Variants in GALNT10 observed in about 807,000 individuals in gnomAD.
The protein encoded by GALNT10 is polypeptide N-acetylgalactosaminyltransferase 10.
Under a neutral mutation model 75.0 loss-of-function variants are expected in GALNT10, and 41 were observed. That is an observed-to-expected ratio of 0.55 (90% CI 0.43 to 0.71). GALNT10 has a LOEUF of 0.71. Ranked by LOEUF, GALNT10 falls within the 30% of genes least tolerant of loss-of-function variation. The pLI is 0.00. For synonymous variants in GALNT10, 302 were observed against 313.0 expected, an observed-to-expected ratio of 0.96 and a Z score of 0.37; for missense variants, 727 against 818.5, an observed-to-expected ratio of 0.89 and a Z score of 1.36.
chr5:154,375,537 G>A (rs116910229), intron 4 of GALNT10, among the ~76,000 whole-genome samples: 1 of 152,278 alleles, frequency 6.6e-6, no homozygotes, highest in East Asian at 1.9e-4. Flanking sequence ...AGAGCATCTA[G>A]GAGTCTGTCT....
intron 1 of GALNT10, among the ~76,000 whole-genome samples, chr5:154,212,728 GGAGGCC>G (rs1447853318): frequency 1.3e-5 from 2 of 152,122 alleles, no homozygotes; most frequent in Non-Finnish European, 2.9e-5. Flanking sequence ...CAGCACTTTG[GGAGGCC>G]GAGGCGGGCA....
chr5:154,228,460 C>T (rs892549390), intron 1 of GALNT10, among the ~76,000 whole-genome samples: 1 of 152,178 alleles, frequency 6.6e-6, no homozygotes, highest in African/African-American at 2.4e-5. Context: ...AGGCGGGCTC[C>T]TCCAGTAAAG....
intron 1 of GALNT10, among the ~76,000 whole-genome samples, chr5:154,278,431 A>T (rs547969152): frequency 6.6e-5 from 10 of 152,244 alleles, no homozygotes; most frequent in Non-Finnish European, 1.2e-4. Flanking sequence ...GTGTGACTTC[A>T]AAGAGCCTTT....
intron 3 of GALNT10, among the ~76,000 whole-genome samples, chr5:154,309,571 G>A (rs1321328076): frequency 6.6e-6 from 1 of 152,146 alleles, no homozygotes; most frequent in African/African-American, 2.4e-5. Context: ...AGTAGCCATG[G>A]CTGAATTCTG....
chr5:154,248,253 G>T (rs1162938121), intron 1 of GALNT10, among the ~76,000 whole-genome samples: 6 of 152,258 alleles, frequency 3.9e-5, no homozygotes, highest in Non-Finnish European at 8.8e-5. Flanking sequence ...GTTCATCAGG[G>T]ATATTGGTCT....
At chr5:154,291,209 A>C (rs1754190150) in intron 1 of GALNT10, among the ~76,000 whole-genome samples, 2 of 152,312 alleles carry the variant, frequency 1.3e-5, no homozygotes, top group South Asian at 4.1e-4. Context: ...AGGTCAAAAC[A>C]GTGAGATTTA....
At position 154,417,245 on chromosome 5, in the gene GALNT10, C is replaced by A; in HGVS notation, c.*273C>A. Reference sequence around the variant, plus strand: ...TGACATCACGGAAAAGCAACAGAGCCTTTTCAACTTTGTCACTATGTCCCC... The same window carrying A: ...TGACATCACGGAAAAGCAACAGAGCATTTTCAACTTTGTCACTATGTCCCC... On this transcript the variant is annotated 3_prime_UTR_variant, in exon 12 of 12. Coordinates refer to ENST00000297107, the MANE Select transcript of GALNT10 (RefSeq NM_198321.4). 1 of 399,490 alleles carries A rather than the reference C, an allele frequency of 2.5e-6. No individual in the cohort carries two copies. Among genetic ancestry groups the A allele is most frequent in the South Asian group, 4.0e-5 (1 of 24,858 alleles). 24.7% of individuals were successfully genotyped at this position (399,490 alleles called of 1,614,324 possible).
At chr5:154,232,400 C>G (rs1193833665) in intron 1 of GALNT10, among the ~76,000 whole-genome samples, 1 of 152,142 alleles carries the variant, frequency 6.6e-6, no homozygotes, top group Non-Finnish European at 1.5e-5. Context: ...GTGGCTAATG[C>G]CTGCTATGTG....
chr5:154,253,160 T>C (rs980590990), intron 1 of GALNT10, among the ~76,000 whole-genome samples: 2 of 152,020 alleles, frequency 1.3e-5, no homozygotes, highest in African/African-American at 4.8e-5. Flanking sequence ...TAACTAATTT[T>C]GAAAACATAG....
intron 1 of GALNT10, among the ~76,000 whole-genome samples, chr5:154,264,473 A>T (rs1163523952): frequency 2.0e-5 from 3 of 152,218 alleles, no homozygotes; most frequent in Non-Finnish European, 2.9e-5. Context: ...GTGACCAAGC[A>T]TTATGATATC....
chr5:154,239,420 T>G (rs1012169087), intron 1 of GALNT10, among the ~76,000 whole-genome samples: 11 of 152,200 alleles, frequency 7.2e-5, no homozygotes, highest in African/African-American at 2.7e-4. Context: ...CAAGTGAAGC[T>G]GAGCTCCGCC....
At chr5:154,261,914 A>T (rs1753703766) in intron 1 of GALNT10, among the ~76,000 whole-genome samples, 1 of 152,122 alleles carries the variant, frequency 6.6e-6, no homozygotes, top group South Asian at 2.1e-4. Context: ...CAGATCTGTG[A>T]GCCTTCCTCT....
chr5:154,243,982 A>C (rs959067566), intron 1 of GALNT10, among the ~76,000 whole-genome samples: 5 of 152,226 alleles, frequency 3.3e-5, no homozygotes, highest in Non-Finnish European at 5.9e-5. Context: ...TGAGGATAAG[A>C]GGCCCAGACA....
rs1419863498 is a variant in GALNT10, at chr5:154,376,353, A to G, written c.645A>G (p.Glu215=). 2.5e-6 allele frequency: 4 copies of G among 1,611,578 alleles called. No homozygotes were observed. In the African/African-American group the frequency reaches 4.0e-5, roughly 16 times the overall value. The change falls in exon 5 of 12, where the codon GAA becomes GAG. Residue 215 remains glutamate, a synonymous_variant. Transcript: ENST00000297107. The surrounding 1 kb of genome is among the most constrained non-coding windows in gnomAD (Gnocchi z 4.1). The part of the protein sequence containing the change: ...SVRILRTKKR[E]GLIRTRMLGA... Reference sequence around the variant, plus strand: ...GGATTCTTCGAACCAAGAAACGGGAAGGGCTGATAAGGACCCGAATGCTGG... The same window carrying G: ...GGATTCTTCGAACCAAGAAACGGGAGGGGCTGATAAGGACCCGAATGCTGG...
rs983844666 is a variant in GALNT10, at chr5:154,265,382, G to C, written c.160-29434G>C. ...CTGATGCTGACAAGGCCTTTCACAA[G>C]AGAAGCCCACTGATTTCACACCTCA... On this transcript the variant is annotated intron_variant, in intron 1 of 11. Transcript: ENST00000297107. 4.6e-5 allele frequency among the ~76,000 whole-genome samples: 7 copies of C among 152,162 alleles called. No individual in the cohort carries two copies. The South Asian group carries it at 8.3e-4, about 18-fold the overall frequency.
In GALNT10 at chr5:154,190,778, T is replaced by A. The variant is rs1561623507; in HGVS notation, c.-89T>A. 1 of 419,082 alleles carries A rather than the reference T, an allele frequency of 2.4e-6. No homozygotes were observed. The highest frequency in any genetic ancestry group is 3.1e-6 in the Non-Finnish European group (1 of 321,514). The allele number at this position is 419,082 out of a possible 1,614,324, so 26.0% of individuals were successfully genotyped here. A position where few individuals can be genotyped will look rare whatever the true frequency, so the allele number is the denominator to read the frequency against. Reference sequence around the variant, plus strand: ...CCGCAGCCGCTTCTGCTGGCTGAGCTGCTGCCGCCGCCGGGCGGACGGGCG... The same window carrying A: ...CCGCAGCCGCTTCTGCTGGCTGAGCAGCTGCCGCCGCCGGGCGGACGGGCG... On this transcript the variant is annotated 5_prime_UTR_variant, in exon 1 of 12. Coordinates refer to ENST00000297107, the MANE Select transcript of GALNT10 (RefSeq NM_198321.4).
intron 1 of GALNT10, among the ~76,000 whole-genome samples, chr5:154,256,142 A>G (rs1432280391): frequency 6.6e-6 from 1 of 152,110 alleles, no homozygotes; most frequent in African/African-American, 2.4e-5. Context: ...TGAATGAGTG[A>G]CACTGCCTAT....
At chr5:154,243,073 T>C (rs1753363889) in intron 1 of GALNT10, among the ~76,000 whole-genome samples, 3 of 152,196 alleles carry the variant, frequency 2.0e-5, no homozygotes, top group Admixed American at 6.5e-5. Flanking sequence ...CTTGAGCTGG[T>C]TACTTCATGT....
rs1756535831 is a variant in GALNT10 at position 154,417,335 on chromosome 5, G to T, written c.*363G>T. On this transcript the variant is annotated 3_prime_UTR_variant, in exon 12 of 12. Coordinates refer to ENST00000297107, the MANE Select transcript of GALNT10 (RefSeq NM_198321.4). Reference sequence around the variant, plus strand: ...ACCCAAAAGTGAGTCCTGCGAGGTTGCCCAGCCCTCAGATGGCTCTCCTAC... The same window carrying T: ...ACCCAAAAGTGAGTCCTGCGAGGTTTCCCAGCCCTCAGATGGCTCTCCTAC... 5.5e-6 allele frequency: 1 copy of T among 182,552 alleles called. No individual in the cohort carries two copies. Among genetic ancestry groups the T allele is most frequent in the Non-Finnish European group, 1.1e-5 (1 of 87,832 alleles). The allele number at this position is 182,552 out of a possible 1,614,324, so 11.3% of individuals were successfully genotyped here.
Sources: gnomAD v4.1 joint callset for allele counts (sites outside exome capture counted in the v4.1 genomes callset) on GRCh38, gnomAD v4.1.1 for gene constraint, Gnocchi (gnomAD v3.1) non-coding constraint, MANE v1.5 for transcripts, NCBI Gene and HGNC (gene_info 2026-07-23, HGNC 2026-07-21) for gene names.